VDAC1: variants seen among roughly 807,000 people sequenced by gnomAD.
VDAC1 encodes non-selective voltage-gated ion channel VDAC1.
VDAC1 carries 10 observed loss-of-function variants against 34.7 expected under a neutral mutation model. The ratio of observed to expected loss-of-function variants is 0.29; its 90% CI spans 0.18 to 0.49. The LOEUF (loss-of-function observed/expected upper bound fraction) is 0.49. Ranked by LOEUF, VDAC1 falls within the 20% of genes least tolerant of loss-of-function variation. The pLI is 0.99. For synonymous variants in VDAC1, 130 were observed against 136.0 expected (o/e 0.96, Z 0.30); for missense variants, 230 against 347.9 (o/e 0.66, Z 2.69).
At chr5:134,073,927 G>T in the VDAC1 span, among the ~76,000 whole-genome samples, 1 of 152,142 alleles carries the variant, frequency 6.6e-6, no homozygotes, top group Non-Finnish European at 1.5e-5. Flanking sequence ...AACCCTAAGT[G>T]GGGGACAGAG....
upstream of VDAC1, chr5:134,005,688 A>G (rs1002009011): frequency 6.6e-6 from 1 of 152,160 alleles, no homozygotes; most frequent in African/African-American, 2.4e-5. Flanking sequence ...GGACCCAGTT[A>G]GTGTGTGTTG....
intron 3 of VDAC1, among the ~76,000 whole-genome samples, chr5:133,991,671 C>T (rs1383725840): frequency 2.0e-5 from 3 of 152,110 alleles, no homozygotes; most frequent in African/African-American, 7.2e-5. Context: ...TGGGGGCCTA[C>T]TGGCATGGTT....
At chr5:133,992,843 G>T in intron 2 of VDAC1, 103 bp downstream of exon 2, 1 of 1,148,292 alleles carries the variant, frequency 8.7e-7, no homozygotes, top group Non-Finnish European at 1.2e-6. Context: ...TGAAAGTTCA[G>T]AACAGCTGAC....
the VDAC1 span, among the ~76,000 whole-genome samples, chr5:134,087,125 A>G: frequency 0.8 from 121,560 of 152,028 alleles, 48,980 homozygotes; most frequent in Non-Finnish European, 0.87. Flanking sequence ...GGAAATTGCC[A>G]GTAATTGTCT....
In VDAC1 at chr5:133,975,941, G is replaced by A; in HGVS notation, c.632C>T (p.Thr211Ile). 2 of 1,613,254 alleles carry A rather than the reference G, an allele frequency of 1.2e-6. No homozygotes were observed. Among genetic ancestry groups the A allele is most frequent in the Non-Finnish European group, 1.7e-6 (2 of 1,179,940 alleles). Residue 211 changes from threonine to isoleucine, a missense_variant, in exon 7 of 9, where the codon ACA becomes ATA. Transcript: ENST00000265333. ...KLETAVNLAWTAGNSNTRFGI... is the reference protein window; with the variant it reads ...KLETAVNLAWIAGNSNTRFGI... The stretch of plus-strand genomic sequence containing the variant: ...GAAGCGCGTGTTACTGTTTCCTGCT[G>A]TCCAGGCAAGATTGACAGCGGTCTC...
At chr5:134,044,550 C>T in the VDAC1 span, among the ~76,000 whole-genome samples, 1 of 152,202 alleles carries the variant, frequency 6.6e-6, no homozygotes, top group Non-Finnish European at 1.5e-5. Flanking sequence ...CAGAATAGGG[C>T]TCCATGGCAC....
intron 5 of VDAC1, among the ~76,000 whole-genome samples, chr5:133,984,419 C>CGTGTGTGTGTGTGTGTGTGT (rs70976506): frequency 3.3e-5 from 4 of 121,938 alleles, no homozygotes; most frequent in African/African-American, 1.3e-4. Context: ...CAATGACCAG[C>CGTGTGTGTGTGTGTGTGTGT]GTGTGTGTGT....
intron 3 of VDAC1, among the ~76,000 whole-genome samples, chr5:133,992,065 C>T (rs1251532901): frequency 2.0e-5 from 3 of 152,024 alleles, no homozygotes; most frequent in Non-Finnish European, 4.4e-5. Flanking sequence ...GGAAAAACCC[C>T]GTCTCTATTA....
At chr5:133,977,291 C>T (rs1366279744) in intron 6 of VDAC1, among the ~76,000 whole-genome samples, 2 of 152,194 alleles carry the variant, frequency 1.3e-5, no homozygotes, top group East Asian at 3.8e-4. Flanking sequence ...ACTCCTCACC[C>T]ATGCTGCAAC....
chr5:133,982,010 C>A (rs1752717256), intron 5 of VDAC1, among the ~76,000 whole-genome samples: 2 of 152,108 alleles, frequency 1.3e-5, no homozygotes, highest in African/African-American at 2.4e-5. Context: ...GAGAAATGGC[C>A]AACTACAGAT....
the VDAC1 span, among the ~76,000 whole-genome samples, chr5:134,010,789 C>CAAACA: frequency 6.6e-6 from 1 of 152,084 alleles, no homozygotes; most frequent in Non-Finnish European, 1.5e-5. Flanking sequence ...ATGTAAAAAA[C>CAAACA]AAACAAAACA....
chr5:134,027,000 G>A, the VDAC1 span, among the ~76,000 whole-genome samples: 1 of 152,200 alleles, frequency 6.6e-6, no homozygotes, highest in Non-Finnish European at 1.5e-5. Context: ...ACTCCCAGGG[G>A]CATTTGACAA....
chr5:134,112,060 T>C, the VDAC1 span, among the ~76,000 whole-genome samples: 1 of 151,234 alleles, frequency 6.6e-6, no homozygotes, highest in East Asian at 2.0e-4. Flanking sequence ...GGTGAAGGAA[T>C]CAGTGCTGAC....
the VDAC1 span, among the ~76,000 whole-genome samples, chr5:134,095,323 A>T: frequency 3.8e-4 from 57 of 151,732 alleles, no homozygotes; most frequent in Non-Finnish European, 8.8e-5. Context: ...CTCTACAAAA[A>T]ATTTTTAAAA....
chr5:134,085,615 C>T, the VDAC1 span, among the ~76,000 whole-genome samples: 1 of 149,690 alleles, frequency 6.7e-6, no homozygotes, highest in South Asian at 2.1e-4. Flanking sequence ...GGGCCAGGCG[C>T]AGTGGCTCAC....
At position 133,972,714 on chromosome 5, in the gene VDAC1, T is replaced by C; in HGVS notation, c.*57A>G. The stretch of plus-strand genomic sequence containing the variant: ...TACAACATTAAAAGATACACTAAAT[T>C]CTGAAGGTAGCTATGCTGCAAAATA... On this transcript the variant is annotated 3_prime_UTR_variant, in exon 9 of 9. Coordinates refer to ENST00000265333, the MANE Select transcript of VDAC1 (RefSeq NM_003374.3). 8.7e-7 allele frequency: 1 copy of C among 1,151,598 alleles called. No individual in the cohort carries two copies. The highest frequency in any genetic ancestry group is 1.3e-6 in the Non-Finnish European group (1 of 782,018). 71.3% of individuals were successfully genotyped at this position (1,151,598 alleles called of 1,614,324 possible). A position where few individuals can be genotyped will look rare whatever the true frequency, so the allele number is the denominator to read the frequency against.
chr5:134,019,915 G>A, the VDAC1 span, among the ~76,000 whole-genome samples: 2 of 152,096 alleles, frequency 1.3e-5, no homozygotes, highest in African/African-American at 4.8e-5. Flanking sequence ...CTCTGTCCTG[G>A]TTGCCAGGAA....
At chr5:134,107,464 C>G in the VDAC1 span, among the ~76,000 whole-genome samples, 1 of 152,250 alleles carries the variant, frequency 6.6e-6, no homozygotes, top group Non-Finnish European at 1.5e-5. Flanking sequence ...CCTACATGGC[C>G]AGCCGGCTCC....
At chr5:134,059,603 A>G in the VDAC1 span, among the ~76,000 whole-genome samples, 1 of 152,060 alleles carries the variant, frequency 6.6e-6, no homozygotes, top group African/African-American at 2.4e-5. Flanking sequence ...CAGGCCTCTG[A>G]GCATCAGCAC....
Sources: gnomAD v4.1 joint callset for allele counts (sites outside exome capture counted in the v4.1 genomes callset) on GRCh38, gnomAD v4.1.1 for gene constraint, MANE v1.5 for transcripts, NCBI Gene and HGNC (gene_info 2026-07-23, HGNC 2026-07-21) for gene names.